The following SHISA9 variants were observed in gnomAD, a reference collection of about 807,000 sequenced individuals.
SHISA9 encodes the protein protein shisa-9.
In SHISA9, 13 loss-of-function variants were observed where a neutral mutation model predicts 38.0. That is an observed-to-expected ratio of 0.34 (90% CI 0.22 to 0.54). The LOEUF (loss-of-function observed/expected upper bound fraction) is 0.54, where lower values mean the gene tolerates loss of function less well. SHISA9 is among the 20% of genes least tolerant of loss of function. The probability of loss-of-function intolerance (pLI) is 0.91; values close to 1 mark genes in which losing one functional copy is unlikely to be tolerated. For missense variants in SHISA9, 538 were observed against 575.8 expected (o/e 0.93, Z 0.67); for synonymous variants, 275 against 242.0 (o/e 1.14, Z -1.27).
At chr16:13,106,078 T>C (rs1351418442) in intron 2 of SHISA9, among the ~76,000 whole-genome samples, 2 of 152,150 alleles carry the variant, frequency 1.3e-5, no homozygotes, top group African/African-American at 4.8e-5. Context: ...AAACTGAGCC[T>C]GAGAGAGATC....
chr16:12,964,211 GA>G (rs748893624), intron 2 of SHISA9, among the ~76,000 whole-genome samples: 3 of 152,170 alleles, frequency 2.0e-5, no homozygotes, highest in Non-Finnish European at 2.9e-5. Context: ...GATCTTGAAG[GA>G]AACAAGAATG....
the SHISA9 span, among the ~76,000 whole-genome samples, chr16:13,398,668 G>A: frequency 0.24 from 36,508 of 151,598 alleles, 5,376 homozygotes; most frequent in African/African-American, 0.41. Context: ...CTGCCACCAC[G>A]TCCGGCTAAT....
chr16:12,953,223 A>T (rs574342924), intron 2 of SHISA9, among the ~76,000 whole-genome samples: 4 of 152,110 alleles, frequency 2.6e-5, no homozygotes, highest in East Asian at 1.9e-4. Flanking sequence ...AACAACAACA[A>T]CAACAACAAC....
the SHISA9 span, among the ~76,000 whole-genome samples, chr16:13,453,791 GGTT>G: frequency 9.9e-5 from 15 of 152,202 alleles, no homozygotes; most frequent in Admixed American, 6.5e-4. Flanking sequence ...AGGTCTGGTT[GGTT>G]GTTGTCTGAT....
At chr16:13,326,104 C>T in the SHISA9 span, among the ~76,000 whole-genome samples, 1 of 151,184 alleles carries the variant, frequency 6.6e-6, no homozygotes, top group Non-Finnish European at 1.5e-5. Flanking sequence ...AGATGCTGTC[C>T]AAATGCAGAA....
At chr16:12,924,333 T>C (rs1287232043) in intron 2 of SHISA9, among the ~76,000 whole-genome samples, 1 of 152,180 alleles carries the variant, frequency 6.6e-6, no homozygotes, top group Non-Finnish European at 1.5e-5. Context: ...ATTCAATAAA[T>C]AGTTATTGAA....
intron 2 of SHISA9, among the ~76,000 whole-genome samples, chr16:13,190,532 C>A (rs1298979866): frequency 6.6e-6 from 1 of 152,146 alleles, no homozygotes; most frequent in African/African-American, 2.4e-5. Flanking sequence ...TGAGCAAGGC[C>A]CCCTGCCTTC....
chr16:13,147,654 G>C (rs920594055), intron 2 of SHISA9, among the ~76,000 whole-genome samples: 11 of 151,880 alleles, frequency 7.2e-5, no homozygotes, highest in African/African-American at 2.7e-4. Flanking sequence ...GTAGAGACAG[G>C]GTTTCACCAC....
chr16:13,216,184 C>CAA (rs929173872), intron 4 of SHISA9, among the ~76,000 whole-genome samples: 14 of 112,968 alleles, frequency 1.2e-4, no homozygotes, highest in Admixed American at 1.8e-4. Context: ...GAGACTCTGT[C>CAA]AAAAAAAAAA....
At chr16:13,215,718 G>A (rs2051161666) in intron 4 of SHISA9, among the ~76,000 whole-genome samples, 2 of 152,132 alleles carry the variant, frequency 1.3e-5, no homozygotes, top group East Asian at 1.9e-4. Flanking sequence ...CCTTTATCCT[G>A]CCTTGTCGGG....
chr16:13,054,484 T>C (rs2073287953), intron 2 of SHISA9, among the ~76,000 whole-genome samples: 1 of 152,230 alleles, frequency 6.6e-6, no homozygotes, highest in Non-Finnish European at 1.5e-5. Context: ...CTTGAAATCA[T>C]TTGACTACAT....
At chr16:13,277,908 T>G in the SHISA9 span, among the ~76,000 whole-genome samples, 1 of 152,060 alleles carries the variant, frequency 6.6e-6, no homozygotes, top group African/African-American at 2.4e-5. Context: ...GCCCTTTTTT[T>G]CTTTCCCTTG....
chr16:13,325,790 T>C, the SHISA9 span, among the ~76,000 whole-genome samples: 11 of 151,350 alleles, frequency 7.3e-5, no homozygotes, highest in Non-Finnish European at 1.3e-4. Context: ...CTCAGCAAAA[T>C]AACACAGGAA....
chr16:13,159,992 GA>G (rs1298112998), intron 2 of SHISA9, among the ~76,000 whole-genome samples: 4 of 152,364 alleles, frequency 2.6e-5, no homozygotes, highest in African/African-American at 9.6e-5. Context: ...TCTGGTAGAG[GA>G]AAGCGAAAAT....
the SHISA9 span, among the ~76,000 whole-genome samples, chr16:13,420,833 T>G: frequency 6.6e-6 from 1 of 152,266 alleles, no homozygotes; most frequent in South Asian, 2.1e-4. Flanking sequence ...CAGCCTTGTT[T>G]AGGAACAGCT....
In SHISA9 at chr16:13,235,207, A is replaced by T; in HGVS notation, c.1073A>T (p.His358Leu). The change falls in exon 5 of 5, where the codon CAT becomes CTT. Residue 358 changes from histidine (H) to leucine (L), a missense_variant. By Grantham distance (99) the His-to-Leu change is moderately conservative. This residue lies in a region of SHISA9 where 326 missense variants were observed against 305.9 expected (regional missense o/e 1.07). Coordinates refer to ENST00000558583, the MANE Select transcript of SHISA9 (RefSeq NM_001145204.3). The stretch of plus-strand genomic sequence containing the variant: ...TCCCGCACCAACAAGATGCCCCCAC[A>T]TCCCCTGGCCTACACCTCTACCACC... ...QKSRTNKMPP[H>L]PLAYTSTTNF... 1 of 1,551,640 alleles carries T rather than the reference A, an allele frequency of 6.4e-7. No homozygotes were observed. The highest frequency in any genetic ancestry group is 1.2e-5 in the South Asian group (1 of 84,054).
chr16:13,547,116 A>G, the SHISA9 span, among the ~76,000 whole-genome samples: 2 of 152,222 alleles, frequency 1.3e-5, no homozygotes, highest in Admixed American at 1.3e-4. Context: ...TTGGGAAATC[A>G]TGCATTTATT....
intron 2 of SHISA9, among the ~76,000 whole-genome samples, chr16:13,068,987 A>G (rs1182445640): frequency 6.6e-6 from 1 of 151,966 alleles, no homozygotes; most frequent in Non-Finnish European, 1.5e-5. Flanking sequence ...ATGTGTGTAC[A>G]TGCAATGTGT....
At chr16:13,473,559 T>A in the SHISA9 span, among the ~76,000 whole-genome samples, 20 of 151,984 alleles carry the variant, frequency 1.3e-4, no homozygotes, top group African/African-American at 4.6e-4. Flanking sequence ...TTTCCCAGAG[T>A]CCCTGAAATA....
Sources: gnomAD v4.1 joint callset for allele counts (sites outside exome capture counted in the v4.1 genomes callset) on GRCh38, gnomAD v4.1.1 for gene constraint, gnomAD v4.1.1 regional missense constraint, MANE v1.5 for transcripts, NCBI Gene and HGNC (gene_info 2026-07-23, HGNC 2026-07-21) for gene names.